JHY: variants seen among roughly 807,000 people sequenced by gnomAD.
The protein encoded by JHY is junctional cadherin complex regulator.
Under a neutral mutation model 78.0 loss-of-function variants are expected in JHY, and 69 were observed. That is an observed-to-expected ratio of 0.88 (90% CI 0.73 to 1.08). The LOEUF (loss-of-function observed/expected upper bound fraction) is 1.08. Ranked by LOEUF, JHY falls within the 50% of genes least tolerant of loss-of-function variation. The pLI, the probability that JHY is intolerant of heterozygous loss-of-function variation, is 0.00. For synonymous variants in JHY, 368 were observed against 342.6 expected, an observed-to-expected ratio of 1.07 and a Z score of -0.82; for missense variants, 944 against 927.8, an observed-to-expected ratio of 1.02 and a Z score of -0.23.
chr11:122,887,054 A>G (rs1862509944), intron 2 of JHY, among the ~76,000 whole-genome samples: 2 of 152,224 alleles, frequency 1.3e-5, no homozygotes, highest in Non-Finnish European at 2.9e-5. Context: ...AGAGTACAGA[A>G]GAAGGTAAAA....
chr11:122,909,764 G>A (rs753800426), intron 3 of JHY, among the ~76,000 whole-genome samples: 11 of 151,934 alleles, frequency 7.2e-5, no homozygotes, highest in Non-Finnish European at 1.0e-4. Context: ...GGGTGACAGA[G>A]CAAGACTCCA....
intron 4 of JHY, among the ~76,000 whole-genome samples, chr11:122,933,967 C>G (rs1487027229): frequency 6.6e-6 from 1 of 152,164 alleles, no homozygotes; most frequent in Non-Finnish European, 1.5e-5. Context: ...AAGTCAAAGA[C>G]TTAACTTTTA....
At chr11:122,943,694 A>G (rs1456664824) in intron 5 of JHY, among the ~76,000 whole-genome samples, 1 of 152,078 alleles carries the variant, frequency 6.6e-6, no homozygotes, top group Non-Finnish European at 1.5e-5. Context: ...TCCTGATGTA[A>G]TCAATATTTT....
intron 3 of JHY, among the ~76,000 whole-genome samples, chr11:122,914,798 A>G (rs553507462): frequency 6.6e-6 from 1 of 152,272 alleles, no homozygotes; most frequent in South Asian, 2.1e-4. Flanking sequence ...TTATTCTTCT[A>G]CAGAGTAGGA....
intron 2 of JHY, among the ~76,000 whole-genome samples, chr11:122,887,358 C>T (rs550450651): frequency 2.6e-5 from 4 of 152,228 alleles, no homozygotes; most frequent in Admixed American, 2.6e-4. Context: ...GAGTCTCGCT[C>T]TGTCATCAGG....
intron 5 of JHY, among the ~76,000 whole-genome samples, chr11:122,938,356 C>T (rs763255145): frequency 1.4e-4 from 22 of 152,104 alleles, no homozygotes; most frequent in Admixed American, 1.4e-3. Context: ...TCAGTCCTAG[C>T]TTCCAGCCTT....
chr11:122,888,300 A>G (rs1323190796), intron 2 of JHY, among the ~76,000 whole-genome samples: 4 of 152,212 alleles, frequency 2.6e-5, no homozygotes, highest in Non-Finnish European at 5.9e-5. Flanking sequence ...AAGCTAGTGC[A>G]TTTTGAATTA....
In JHY at chr11:122,882,925, A is replaced by T. The variant is rs1862411071; in HGVS notation, c.-137A>T. On this transcript the variant is annotated 5_prime_UTR_variant, in exon 1 of 9. Transcript: ENST00000227349. ...CGGGCGGCGGCGGCGGCGGCGCGGGAGGATGCGGGGCCCGTCCGGGTCGCG... is the reference window on the plus strand; with the variant it reads ...CGGGCGGCGGCGGCGGCGGCGCGGGTGGATGCGGGGCCCGTCCGGGTCGCG... The T allele has an allele frequency of 6.6e-6, 1 of 151,590 alleles. No homozygotes were observed. 9.4% of individuals were successfully genotyped at this position (151,590 alleles called of 1,614,324 possible). A position where few individuals can be genotyped will look rare whatever the true frequency, so the allele number is the denominator to read the frequency against.
chr11:122,945,149 C>T (rs1270606248), intron 5 of JHY, among the ~76,000 whole-genome samples: 1 of 152,132 alleles, frequency 6.6e-6, no homozygotes, highest in Non-Finnish European at 1.5e-5. Flanking sequence ...GACTTCGTGC[C>T]TTTTTAACTG....
chr11:122,949,477 A>G (rs1322155430), intron 6 of JHY, among the ~76,000 whole-genome samples: 1 of 152,166 alleles, frequency 6.6e-6, no homozygotes, highest in East Asian at 1.9e-4. Context: ...GGCCTCAAAG[A>G]GAAAGTGAAA....
chr11:122,915,888 G>A (rs917247124), intron 3 of JHY, among the ~76,000 whole-genome samples: 2 of 152,158 alleles, frequency 1.3e-5, no homozygotes, highest in African/African-American at 2.4e-5. Flanking sequence ...GCAATGGCAT[G>A]AAGTCGTGAA....
rs905565646 is a variant in JHY, at chr11:122,917,420, G to A, written c.865-7477G>A. ...ACGTCTTTCATGCAGTCCCTTGTATGTCATTTTAAAGCAGAAGCTCTCATA... is the reference window on the plus strand; with the variant it reads ...ACGTCTTTCATGCAGTCCCTTGTATATCATTTTAAAGCAGAAGCTCTCATA... On this transcript the variant is annotated intron_variant, in intron 3 of 8. Transcript: ENST00000227349. The surrounding 1 kb of genome is among the most constrained non-coding windows in gnomAD (Gnocchi z 4.1). 3.3e-5 allele frequency among the ~76,000 whole-genome samples: 5 copies of A among 152,196 alleles called. No homozygotes were observed. In the East Asian group the frequency reaches 9.6e-4, roughly 29 times the overall value.
chr11:122,919,965 A>G (rs1220262815), intron 3 of JHY, among the ~76,000 whole-genome samples: 3 of 152,272 alleles, frequency 2.0e-5, no homozygotes, highest in Non-Finnish European at 1.5e-5. Context: ...TTTTGCCTCT[A>G]AACAGCTGAA....
At chr11:122,920,554 A>G (rs569018542) in intron 3 of JHY, among the ~76,000 whole-genome samples, 7 of 152,218 alleles carry the variant, frequency 4.6e-5, no homozygotes, top group Non-Finnish European at 1.0e-4. Context: ...TTGGTAAAGC[A>G]TCAACTTTTT....
At chr11:122,903,799 T>C in intron 2 of JHY, 126 bp from the exon 3 acceptor site, 1 of 1,314,462 alleles carries the variant, frequency 7.6e-7, no homozygotes, top group Non-Finnish European at 1.0e-6. Context: ...GTGTTTAGCA[T>C]ACAGATAATA....
intron 4 of JHY, among the ~76,000 whole-genome samples, chr11:122,931,626 C>T (rs534643854): frequency 6.6e-6 from 1 of 152,296 alleles, no homozygotes; most frequent in South Asian, 2.1e-4. Flanking sequence ...ACACAACAGA[C>T]ATGTCTTCAC....
rs1170540473 is a variant in JHY, at chr11:122,963,298, A to C, written c.*3853A>C. ...AGCTTAAGTGATTCAGTTCATGTCA[A>C]ACAACATTTCACAGGATTCTTACCC... On this transcript the variant is annotated 3_prime_UTR_variant, in exon 9 of 9. Transcript: ENST00000227349. Among the ~76,000 whole-genome samples the C allele has an allele frequency of 6.6e-6, 1 of 152,176 alleles. No homozygotes were observed. The highest frequency in any genetic ancestry group is 6.5e-5 in the Admixed American group (1 of 15,280).
chr11:122,912,753 G>T (rs1389609589), intron 3 of JHY, among the ~76,000 whole-genome samples: 2 of 151,886 alleles, frequency 1.3e-5, no homozygotes, highest in Admixed American at 6.6e-5. Flanking sequence ...AAAGAGAAAA[G>T]AATTAAGATT....
chr11:122,949,630 T>G (rs1228706047), intron 6 of JHY, among the ~76,000 whole-genome samples: 1 of 151,770 alleles, frequency 6.6e-6, no homozygotes, highest in Non-Finnish European at 1.5e-5. Flanking sequence ...AACCCTAGAG[T>G]TCTTACCCCA....
Sources: gnomAD v4.1 joint callset for allele counts (sites outside exome capture counted in the v4.1 genomes callset) on GRCh38, gnomAD v4.1.1 for gene constraint, Gnocchi (gnomAD v3.1) non-coding constraint, MANE v1.5 for transcripts, NCBI Gene and HGNC (gene_info 2026-07-23, HGNC 2026-07-21) for gene names.